Variants in MARK3 observed in about 807,000 individuals in gnomAD.
The protein encoded by MARK3 is MAP/microtubule affinity-regulating kinase 3.
In MARK3, 46 loss-of-function variants were observed where a neutral mutation model predicts 90.1. That is an observed-to-expected ratio of 0.51 (90% CI 0.40 to 0.65). MARK3 has a LOEUF of 0.65. MARK3 is among the 30% of genes least tolerant of loss of function. The pLI, the probability that MARK3 is intolerant of heterozygous loss-of-function variation, is 0.00. For missense variants in MARK3, 818 were observed against 947.2 expected (o/e 0.86, Z 1.79); for synonymous variants, 321 against 332.6 (o/e 0.97, Z 0.38).
intron 6 of MARK3, among the ~76,000 whole-genome samples, chr14:103,460,073 CTTTTTTTTTTTTTTT>C (rs571611660): frequency 1.2e-4 from 5 of 41,720 alleles, no homozygotes; most frequent in South Asian, 2.0e-3. Context: ...CCAGCTCCAT[CTTTTTTTTTTTTTTT>C]TTTTTTTTTT....
Position 103,405,216 on chromosome 14 carries a change from G to C in MARK3, c.192G>C (p.Lys64Asn). 1 of 1,578,896 alleles carries C rather than the reference G, an allele frequency of 6.3e-7. No individual in the cohort carries two copies. Among genetic ancestry groups the C allele is most frequent in the Non-Finnish European group, 8.6e-7 (1 of 1,165,100 alleles). ...ACAGACTGTTGAAAACAATCGGCAA[G>C]GGGAATTTTGCAAAAGTAAAATTGG... ...GNYRLLKTIG[K>N]GNFAKVKLAR... The change falls in exon 2 of 18, where the codon AAG (lysine) becomes AAC (asparagine). Residue 64 changes from lysine (K) to asparagine (N), a missense_variant. By Grantham distance (94) the Lys-to-Asn change is moderately conservative (BLOSUM62 0). Transcript: ENST00000429436.
At chr14:103,397,117 C>T (rs2140522486) in intron 1 of MARK3, among the ~76,000 whole-genome samples, 1 of 151,988 alleles carries the variant, frequency 6.6e-6, no homozygotes, top group East Asian at 1.9e-4. Flanking sequence ...ATATGTATGT[C>T]ACATTATACA....
rs753108348 is a variant in MARK3 at position 103,386,037 on chromosome 14, C to T, written c.8C>T (p.Thr3Ile). The change falls in exon 1 of 18, where the codon ACT becomes ATT. Residue 3 changes from threonine to isoleucine, a missense_variant. By Grantham distance (89) the Thr-to-Ile change is moderately conservative. This residue lies in a region of MARK3 where 157 missense variants were observed against 158.7 expected (regional missense o/e 0.99). Coordinates refer to ENST00000429436, the MANE Select transcript of MARK3 (RefSeq NM_001128918.3). Reference sequence around the variant, plus strand: ...GAATTAAAGTGCAGTAAAATGTCCACTAGGACCCCATTGCCAACGGTGAAT... The same window carrying T: ...GAATTAAAGTGCAGTAAAATGTCCATTAGGACCCCATTGCCAACGGTGAAT... The part of the protein sequence containing the change: MS[T>I]RTPLPTVNER... 4.3e-6 allele frequency: 7 copies of T among 1,614,030 alleles called. No homozygotes were observed. Among genetic ancestry groups the T allele is most frequent in the Non-Finnish European group, 5.1e-6 (6 of 1,179,842 alleles).
chr14:103,450,762 A>G (rs747010933), intron 4 of MARK3, among the ~76,000 whole-genome samples: 1 of 152,106 alleles, frequency 6.6e-6, no homozygotes, highest in Non-Finnish European at 1.5e-5. Context: ...AATATAAAAC[A>G]CTAGCATACC....
At chr14:103,474,699 G>A (rs2093686503) in intron 12 of MARK3, among the ~76,000 whole-genome samples, 1 of 152,024 alleles carries the variant, frequency 6.6e-6, no homozygotes, top group Non-Finnish European at 1.5e-5. Context: ...CATCTAATTA[G>A]TTTGAATCTA....
intron 12 of MARK3, among the ~76,000 whole-genome samples, chr14:103,474,762 A>G (rs2093687501): frequency 6.6e-6 from 1 of 150,464 alleles, no homozygotes; most frequent in Non-Finnish European, 1.5e-5. Flanking sequence ...AACTCTTACT[A>G]TTAAAAAAAA....
At chr14:103,449,843 A>G (rs910986979) in intron 4 of MARK3, among the ~76,000 whole-genome samples, 1 of 152,172 alleles carries the variant, frequency 6.6e-6, no homozygotes, top group Admixed American at 6.5e-5. Flanking sequence ...GAATGAAATC[A>G]CTCTTAAGAC....
At chr14:103,468,456 C>G (rs1463901829) in intron 12 of MARK3, among the ~76,000 whole-genome samples, 3 of 150,498 alleles carry the variant, frequency 2.0e-5, no homozygotes, top group Non-Finnish European at 4.4e-5. Context: ...TCCTGAATAG[C>G]TGGGACTACA....
At chr14:103,465,461 A>C (rs895536188) in intron 7 of MARK3, 96 bp from the exon 8 acceptor site, 2 of 796,536 alleles carry the variant, frequency 2.5e-6, no homozygotes, top group Admixed American at 4.1e-5. Flanking sequence ...GTAACTTCAT[A>C]TCATTACAGA....
At chr14:103,392,087 G>A (rs1467927001) in intron 1 of MARK3, among the ~76,000 whole-genome samples, 2 of 152,146 alleles carry the variant, frequency 1.3e-5, no homozygotes, top group East Asian at 3.8e-4. Flanking sequence ...TGTGCATCAT[G>A]TACTTATTAT....
chr14:103,409,465 A>G (rs1025610309), intron 2 of MARK3, among the ~76,000 whole-genome samples: 1 of 128,840 alleles, frequency 7.8e-6, no homozygotes, highest in Non-Finnish European at 1.7e-5. Context: ...AAAAAAAAAA[A>G]GGAAAAACTT....
chr14:103,456,997 G>A (rs1595765068), intron 5 of MARK3, 145 bp from the exon 6 acceptor site: 1 of 503,622 alleles, frequency 2.0e-6, no homozygotes, highest in East Asian at 3.1e-5. Flanking sequence ...GTTAAAGCCA[G>A]CTTAGTTCAA....
At chr14:103,476,898 A>G (rs2093724242) in intron 13 of MARK3, among the ~76,000 whole-genome samples, 1 of 151,882 alleles carries the variant, frequency 6.6e-6, no homozygotes, top group African/African-American at 2.4e-5. Context: ...TTGTTTCCAT[A>G]CTCCTGCAGT....
intron 3 of MARK3, among the ~76,000 whole-genome samples, chr14:103,436,752 A>G (rs1319505526): frequency 1.3e-5 from 2 of 152,162 alleles, no homozygotes; most frequent in Non-Finnish European, 2.9e-5. Flanking sequence ...CCTTGGGATT[A>G]TAGGCATGAG....
chr14:103,469,032 A>G (rs1595828672), intron 12 of MARK3, among the ~76,000 whole-genome samples: 1 of 152,094 alleles, frequency 6.6e-6, no homozygotes, highest in Non-Finnish European at 1.5e-5. Context: ...AGCACTGTCC[A>G]GTAGAACTTT....
rs139658847 is a variant in MARK3 at position 103,452,338 on chromosome 14, C to T, written c.412+355C>T. Among the ~76,000 whole-genome samples, 435 of 152,106 alleles carry T rather than the reference C, an allele frequency of 2.9e-3. 2 individuals carry two copies. The highest frequency in any genetic ancestry group is 1.0e-2 in the African/African-American group (414 of 41,516). On this transcript the variant is annotated intron_variant, in intron 5 of 17. Transcript: ENST00000429436. Reference sequence around the variant, plus strand: ...TCCAGAATGTTTTCATTTTCTAACACGAAACTCTATACCCATTAAACACTA... The same window carrying T: ...TCCAGAATGTTTTCATTTTCTAACATGAAACTCTATACCCATTAAACACTA...
intron 1 of MARK3, among the ~76,000 whole-genome samples, chr14:103,402,994 G>A: frequency 6.6e-6 from 1 of 152,158 alleles, no homozygotes; most frequent in African/African-American, 2.4e-5. Context: ...GGCTTACAGA[G>A]AATTATAATC....
In MARK3 at chr14:103,481,757, C is replaced by CTTTTTTTTTTT. The variant is rs71126030; in HGVS notation, c.1586+1284_1586+1294dup. On this transcript the variant is annotated intron_variant, in intron 14 of 17. Transcript: ENST00000429436. ...CAGATAATGATTGATATAGGTATTT[C>CTTTTTTTTTTT]TTTTTTTTTTTTTTTTTTTTTTTTT... Among the ~76,000 whole-genome samples, 400 of 49,804 alleles carry CTTTTTTTTTTT rather than the reference C, an allele frequency of 8.0e-3. 102 individuals carry two copies. The highest frequency in any genetic ancestry group is 0.016 in the East Asian group (22 of 1,336). 32.7% of individuals were successfully genotyped at this position (49,804 alleles called of 152,430 possible).
At chr14:103,423,992 G>A (rs916217124) in intron 2 of MARK3, among the ~76,000 whole-genome samples, 19 of 152,074 alleles carry the variant, frequency 1.2e-4, no homozygotes, top group Non-Finnish European at 2.2e-4. Flanking sequence ...GATCACCTGA[G>A]GTCAGGAGTT....
Sources: allele counts gnomAD v4.1 joint callset (sites outside exome capture counted in the v4.1 genomes callset), GRCh38; gene constraint gnomAD v4.1.1; regional missense constraint gnomAD v4.1.1; transcripts MANE v1.5; gene names NCBI Gene and HGNC (gene_info 2026-07-23, HGNC 2026-07-21).